ARMC10: variants seen among roughly 807,000 people sequenced by gnomAD.
ARMC10 encodes the protein armadillo repeat-containing protein 10.
Under a neutral mutation model 30.2 loss-of-function variants are expected in ARMC10, and 23 were observed. That is an observed-to-expected ratio of 0.76 (90% confidence interval 0.55 to 1.08). The LOEUF is 1.08. ARMC10 is among the 50% of genes least tolerant of loss of function. ARMC10 has a pLI of 0.00. For missense variants in ARMC10, 303 were observed against 413.7 expected, an observed-to-expected ratio of 0.73 and a Z score of 2.32; for synonymous variants, 111 against 164.4, an observed-to-expected ratio of 0.68 and a Z score of 2.48.
chr7:103,092,188 C>G (rs1232373790), intron 4 of ARMC10, among the ~76,000 whole-genome samples: 1 of 151,968 alleles, frequency 6.6e-6, no homozygotes, highest in African/African-American at 2.4e-5. Context: ...AAAAAATTAG[C>G]CGGGCGTGGT....
intron 4 of ARMC10, among the ~76,000 whole-genome samples, chr7:103,091,498 A>T (rs200250346): frequency 1.3e-4 from 1 of 7,678 alleles, no homozygotes; most frequent in Non-Finnish European, 0.056. Context: ...TTATATATAT[A>T]TATATATATA....
intron 4 of ARMC10, among the ~76,000 whole-genome samples, chr7:103,090,624 A>C (rs1290933809): frequency 6.6e-6 from 1 of 151,938 alleles, no homozygotes; most frequent in Non-Finnish European, 1.5e-5. Flanking sequence ...CAGCATCCTG[A>C]GTAGCTGGGA....
chr7:103,098,219 G>C, intron 6 of ARMC10, 80 bp from the exon 7 acceptor site: 1 of 1,183,812 alleles, frequency 8.4e-7, no homozygotes, highest in Non-Finnish European at 1.1e-6. Context: ...ATTCAATGTA[G>C]TTTTAAAATG....
At chr7:103,075,974 G>A (rs1799751472) in intron 2 of ARMC10, 93 bp downstream of exon 2, 1 of 937,794 alleles carries the variant, frequency 1.1e-6, no homozygotes. Context: ...AAAGTTGATC[G>A]GTACATTAAA....
intron 3 of ARMC10, among the ~76,000 whole-genome samples, 173 bp from the exon 4 acceptor site, chr7:103,086,457 A>G (rs1585752464): frequency 6.6e-6 from 1 of 152,118 alleles, no homozygotes; most frequent in East Asian, 1.9e-4. Context: ...CTTTACCTAT[A>G]AAAGTATGGG....
chr7:103,096,933 C>T (rs904555755), intron 5 of ARMC10: 5 of 277,072 alleles, frequency 1.8e-5, no homozygotes, highest in South Asian at 1.1e-4. Flanking sequence ...TTTAAATAAC[C>T]GTGTGATAGA....
At chr7:103,088,173 T>C (rs1441530601) in intron 4 of ARMC10, among the ~76,000 whole-genome samples, 4 of 152,232 alleles carry the variant, frequency 2.6e-5, no homozygotes, top group Non-Finnish European at 2.9e-5. Context: ...GGAAATTATG[T>C]GTTCTTGCCC....
In ARMC10 at chr7:103,099,498, C is replaced by T. The variant is rs200460623; in HGVS notation, c.*945C>T. ...AAAAAAAAAAAAAATGATGGAGCTCCGAATGTGCTTAAGTGGAAAGATATC... is the reference window on the plus strand; with the variant it reads ...AAAAAAAAAAAAAATGATGGAGCTCTGAATGTGCTTAAGTGGAAAGATATC... On this transcript the variant is annotated 3_prime_UTR_variant, in exon 7 of 7. Transcript: ENST00000323716. 84 of 143,288 alleles carry T rather than the reference C, an allele frequency of 5.9e-4. No homozygotes were observed. Among genetic ancestry groups the T allele is most frequent in the African/African-American group, 1.7e-3 (69 of 39,662 alleles). 8.9% of individuals were successfully genotyped at this position (143,288 alleles called of 1,614,324 possible).
At position 103,080,158 on chromosome 7, in the gene ARMC10, C is replaced by T. The variant is rs530877328; in HGVS notation, c.245-3524C>T. On this transcript the variant is annotated intron_variant, in intron 2 of 6. Coordinates refer to ENST00000323716, the MANE Select transcript of ARMC10 (RefSeq NM_031905.5). ...TGTGTAATAGCAGTCCAAAAACTCACCAGTGGAAGAGCTGAGTATTTGATG... is the reference window on the plus strand; with the variant it reads ...TGTGTAATAGCAGTCCAAAAACTCATCAGTGGAAGAGCTGAGTATTTGATG... Among the ~76,000 whole-genome samples the T allele has an allele frequency of 5.9e-5, 9 of 152,322 alleles. No homozygotes were observed. In the South Asian group the frequency reaches 1.9e-3, roughly 32 times the overall value.
rs138797211 is a variant in ARMC10, at chr7:103,087,092, T to C, written c.528+328T>C. Among the ~76,000 whole-genome samples, 10 of 152,334 alleles carry C rather than the reference T, an allele frequency of 6.6e-5. No homozygotes were observed. The East Asian group carries it at 1.9e-3, about 29-fold the overall frequency. On this transcript the variant is annotated intron_variant, in intron 4 of 6. Transcript: ENST00000323716. ...TTGGCTGAAAGTTGGGACAAGACTT[T>C]GCGCTAGAACTAGAACTAGTATTAC...
At chr7:103,080,202 T>TTA (rs1227847309) in intron 2 of ARMC10, among the ~76,000 whole-genome samples, 1 of 152,164 alleles carries the variant, frequency 6.6e-6, no homozygotes, top group African/African-American at 2.4e-5. Flanking sequence ...CCTGTAAAAT[T>TTA]TTTAGAGTTT....
rs1000421039 is a variant in ARMC10 at position 103,075,219 on chromosome 7, C to A, written c.-54C>A. The A allele has an allele frequency of 2.7e-6, 3 of 1,129,052 alleles. No individual in the cohort carries two copies. Among genetic ancestry groups the A allele is most frequent in the Non-Finnish European group, 3.3e-6 (3 of 921,556 alleles). The allele number at this position is 1,129,052 out of a possible 1,614,324, so 69.9% of individuals were successfully genotyped here. A position where few individuals can be genotyped will look rare whatever the true frequency, so the allele number is the denominator to read the frequency against. The stretch of plus-strand genomic sequence containing the variant: ...CGTGCGCTGGAGACCTCCGCGCTGG[C>A]CCCCGCGAGCCTCCTGCCCTGGCCC... On this transcript the variant is annotated 5_prime_UTR_variant, in exon 1 of 7. Coordinates refer to ENST00000323716, the MANE Select transcript of ARMC10 (RefSeq NM_031905.5).
At chr7:103,078,094 C>G (rs1254600552) in intron 2 of ARMC10, among the ~76,000 whole-genome samples, 1 of 152,086 alleles carries the variant, frequency 6.6e-6, no homozygotes, top group East Asian at 1.9e-4. Flanking sequence ...CTCATGGGTT[C>G]AAGCGATTCT....
Position 103,098,563 on chromosome 7 carries a change from T to C in ARMC10, c.*10T>C, listed in dbSNP as rs1195474383. The C allele has an allele frequency of 2.6e-6, 4 of 1,543,850 alleles. No individual in the cohort carries two copies. The African/African-American group carries it at 4.1e-5, about 16-fold the overall frequency. ...AATACCCAAAATCTGATTGGTCATA[T>C]TTTTCCAAAGAGTAATGCAGTCTGG... On this transcript the variant is annotated 3_prime_UTR_variant, in exon 7 of 7. Coordinates refer to ENST00000323716, the MANE Select transcript of ARMC10 (RefSeq NM_031905.5).
At position 103,086,183 on chromosome 7, in the gene ARMC10, G is replaced by A. The variant is rs117778009; in HGVS notation, c.394-447G>A. Among the ~76,000 whole-genome samples the A allele has an allele frequency of 9.7e-3, 1,475 of 152,084 alleles. 10 individuals are homozygous for A. Among genetic ancestry groups the A allele is most frequent in the Non-Finnish European group, 0.017 (1,164 of 67,990 alleles). ...ATGGAACATCTCTTAACATTTTGAG[G>A]GATTAGTGTTTCAAATAATACGTGT... On this transcript the variant is annotated intron_variant, in intron 3 of 6. Transcript: ENST00000323716.
At position 103,075,337 on chromosome 7, in the gene ARMC10, A is replaced by T; in HGVS notation, c.65A>T (p.Tyr22Phe). 1.6e-6 allele frequency: 2 copies of T among 1,256,800 alleles called. No homozygotes were observed. Among genetic ancestry groups the T allele is most frequent in the Non-Finnish European group, 2.0e-6 (2 of 1,000,406 alleles). The allele number at this position is 1,256,800 out of a possible 1,614,324, so 77.9% of individuals were successfully genotyped here. A position where few individuals can be genotyped will look rare whatever the true frequency, so the allele number is the denominator to read the frequency against. ...CTGCTGCTCGGCGCGGGCGCCTGCT[A>T]CTGCATTTACAGGCTGACCCGGGGT... is the stretch of plus-strand genomic sequence containing the variant. ...AGLLLGAGAC[Y>F]CIYRLTRGRR... The change falls in exon 1 of 7, where the codon TAC (tyrosine) becomes TTC (phenylalanine). Residue 22 changes from tyrosine (Y) to phenylalanine (F), a missense_variant. Tyr to Phe is a conservative substitution (Grantham distance 22, BLOSUM62 3). Coordinates refer to ENST00000323716, the MANE Select transcript of ARMC10 (RefSeq NM_031905.5).
chr7:103,089,277 A>AAAGTC, intron 4 of ARMC10: 1 of 228,328 alleles, frequency 4.4e-6, no homozygotes. Flanking sequence ...CATTTTGTTT[A>AAAGTC]AAGTCCAGTT....
chr7:103,088,500 A>C (rs1329292809), intron 4 of ARMC10, among the ~76,000 whole-genome samples: 5 of 152,200 alleles, frequency 3.3e-5, no homozygotes, highest in Non-Finnish European at 7.3e-5. Flanking sequence ...AAATATTGCC[A>C]GCCATAAAAT....
rs548152712 is a variant in ARMC10 at position 103,075,808 on chromosome 7, G to A, written c.171G>A (p.Gln57=). Residue 57 remains glutamine (Q), a synonymous_variant, in exon 2 of 7, where the codon CAG becomes CAA. Coordinates refer to ENST00000323716, the MANE Select transcript of ARMC10 (RefSeq NM_031905.5). ...GALEEGTSEG[Q]LCGRSARPQT... is the part of the protein sequence containing the mutation. ...TGGAAGAAGGGACGTCAGAGGGTCA[G>A]TTGTGCGGGCGCTCGGCCCGGCCTC... is the stretch of plus-strand genomic sequence containing the variant. 2,585 of 1,611,162 alleles carry A rather than the reference G, an allele frequency of 1.6e-3. 62 individuals carry two copies. The South Asian group carries it at 0.027, about 17-fold the overall frequency.
Sources: allele counts gnomAD v4.1 joint callset (sites outside exome capture counted in the v4.1 genomes callset), GRCh38; gene constraint gnomAD v4.1.1; transcripts MANE v1.5; gene names NCBI Gene and HGNC (gene_info 2026-07-23, HGNC 2026-07-21).